Variants in LAMA2 observed in about 807,000 individuals in gnomAD.
LAMA2 encodes the protein laminin subunit alpha-2.
A neutral mutation model predicts 364.8 loss-of-function variants in LAMA2; 269 were observed. The ratio of observed to expected loss-of-function variants is 0.74; its 90% CI spans 0.67 to 0.82. The LOEUF (loss-of-function observed/expected upper bound fraction) is 0.82. Ranked by LOEUF, LAMA2 falls within the 40% of genes least tolerant of loss-of-function variation. The probability of loss-of-function intolerance (pLI) is 0.00; values close to 1 mark genes in which losing one functional copy is unlikely to be tolerated. For synonymous variants in LAMA2, 1,379 were observed against 1,370.6 expected, an observed-to-expected ratio of 1.01 and a Z score of -0.14; for missense variants, 3,807 against 3,873.2, an observed-to-expected ratio of 0.98 and a Z score of 0.45.
Position 129,328,391 on chromosome 6 carries a change from C to T in LAMA2, c.4290C>T (p.Asp1430=). The change falls in exon 29 of 65, where the codon GAC becomes GAT. Residue 1430 remains aspartate (D), a synonymous_variant. Transcript: ENST00000421865. The part of the protein sequence containing the change: ...CQCNGHSSLC[D]PETSICQNCQ... Reference sequence around the variant, plus strand: ...GTAATGGACACAGCAGCCTGTGTGACCCTGAAACATCGATATGCCAGGTAG... The same window carrying T: ...GTAATGGACACAGCAGCCTGTGTGATCCTGAAACATCGATATGCCAGGTAG... 6.2e-7 allele frequency: 1 copy of T among 1,614,120 alleles called. No homozygotes were observed. Among genetic ancestry groups the T allele is most frequent in the South Asian group, 1.1e-5 (1 of 91,072 alleles).
intron 1 of LAMA2, among the ~76,000 whole-genome samples, chr6:128,936,973 G>A (rs1165032666): frequency 2.0e-5 from 3 of 152,130 alleles, no homozygotes; most frequent in African/African-American, 7.2e-5. Flanking sequence ...CTAGAAAAAG[G>A]AATGGTTCAT....
intron 42 of LAMA2, among the ~76,000 whole-genome samples, chr6:129,439,932 T>C (rs1782022723): frequency 6.6e-6 from 1 of 151,278 alleles, no homozygotes; most frequent in African/African-American, 2.4e-5. Flanking sequence ...CTTTAAGAGC[T>C]AATTAGGTAT....
At chr6:129,234,516 T>G (rs1410666819) in intron 12 of LAMA2, among the ~76,000 whole-genome samples, 1 of 152,156 alleles carries the variant, frequency 6.6e-6, no homozygotes, top group Non-Finnish European at 1.5e-5. Flanking sequence ...TCTTCTACCA[T>G]ATACATGTTA....
At chr6:128,942,334 T>A (rs927589527) in intron 1 of LAMA2, among the ~76,000 whole-genome samples, 2 of 152,176 alleles carry the variant, frequency 1.3e-5, no homozygotes, top group East Asian at 1.9e-4. Flanking sequence ...AGATCATTTT[T>A]AAAAAGTGTT....
At chr6:129,182,915 T>C (rs1418508020) in intron 10 of LAMA2, among the ~76,000 whole-genome samples, 4 of 152,022 alleles carry the variant, frequency 2.6e-5, no homozygotes, top group Non-Finnish European at 5.9e-5. Flanking sequence ...TAATTTCTAA[T>C]TTAAAATTTC....
At chr6:128,951,836 T>A (rs975000526) in intron 1 of LAMA2, among the ~76,000 whole-genome samples, 1 of 152,202 alleles carries the variant, frequency 6.6e-6, no homozygotes, top group African/African-American at 2.4e-5. Context: ...TAAATTTCTA[T>A]ATTTCATAAG....
chr6:129,086,030 C>T (rs1774363190), intron 3 of LAMA2, among the ~76,000 whole-genome samples: 1 of 152,200 alleles, frequency 6.6e-6, no homozygotes, highest in South Asian at 2.1e-4. Flanking sequence ...TTACACTCTT[C>T]ACACTTCATT....
chr6:129,161,529 T>C (rs1354067670), intron 8 of LAMA2, among the ~76,000 whole-genome samples: 1 of 152,184 alleles, frequency 6.6e-6, no homozygotes, highest in Middle Eastern at 3.2e-3. Flanking sequence ...TGTATAATTT[T>C]CCATTCCAAC....
At chr6:129,341,026 TG>T (rs1350440941) in intron 29 of LAMA2, among the ~76,000 whole-genome samples, 1 of 152,168 alleles carries the variant, frequency 6.6e-6, no homozygotes, top group Non-Finnish European at 1.5e-5. Context: ...ATAGTTTCAC[TG>T]CAAGAAATAG....
chr6:129,302,202 C>T lies in LAMA2; in HGVS notation c.3174+1330C>T, dbSNP rs552712632. The stretch of plus-strand genomic sequence containing the variant: ...TCTTTGCCAACTCTTGGACTTTTAA[C>T]CCTTTTTTAATTTTAAGAATTCTGA... On this transcript the variant is annotated intron_variant, in intron 22 of 64. Transcript: ENST00000421865. Among the ~76,000 whole-genome samples, 448 of 152,118 alleles carry T rather than the reference C, an allele frequency of 2.9e-3. 1 individual carries two copies. Among genetic ancestry groups the T allele is most frequent in the African/African-American group, 0.01 (431 of 41,534 alleles).
At chr6:129,285,369 A>C (rs562454478) in intron 18 of LAMA2, among the ~76,000 whole-genome samples, 1 of 152,156 alleles carries the variant, frequency 6.6e-6, no homozygotes, top group African/African-American at 2.4e-5. Flanking sequence ...CACGTCCTGC[A>C]AGAAAAAATA....
chr6:129,483,393 A>G (rs1200172724), intron 55 of LAMA2, among the ~76,000 whole-genome samples: 1 of 152,126 alleles, frequency 6.6e-6, no homozygotes, highest in Non-Finnish European at 1.5e-5. Flanking sequence ...AAGAACAAAT[A>G]TATAATTTAA....
chr6:129,237,282 C>A, intron 12 of LAMA2, among the ~76,000 whole-genome samples: 1 of 152,002 alleles, frequency 6.6e-6, no homozygotes, highest in Non-Finnish European at 1.5e-5. Flanking sequence ...GATGGACGTA[C>A]GGACATTTTC....
At position 129,445,779 on chromosome 6, in the gene LAMA2, G is replaced by C; in HGVS notation, c.6387G>C (p.Glu2129Asp). 6.2e-7 allele frequency: 1 copy of C among 1,613,772 alleles called. No individual in the cohort carries two copies. The highest frequency in any genetic ancestry group is 8.5e-7 in the Non-Finnish European group (1 of 1,179,798). Reference protein sequence around the residue: ...LEDNLKKNISEIKELINQARK... With the variant: ...LEDNLKKNISDIKELINQARK... ...ATAACCTAAAGAAAAACATCTCTGAGATAAAGGAATTGATAAACCAAGCTC... is the reference window on the plus strand; with the variant it reads ...ATAACCTAAAGAAAAACATCTCTGACATAAAGGAATTGATAAACCAAGCTC... Residue 2129 changes from glutamate (E) to aspartate (D), a missense_variant, in exon 45 of 65, where the codon GAG becomes GAC. By Grantham distance (45) the Glu-to-Asp change is conservative. Coordinates refer to ENST00000421865, the MANE Select transcript of LAMA2 (RefSeq NM_000426.4).
chr6:129,237,084 C>T (rs912494402), intron 12 of LAMA2, among the ~76,000 whole-genome samples: 1 of 152,154 alleles, frequency 6.6e-6, no homozygotes, highest in African/African-American at 2.4e-5. Flanking sequence ...TCAATTCCCT[C>T]ATCTTTAAAA....
At chr6:129,428,633 C>A (rs984680871) in intron 41 of LAMA2, among the ~76,000 whole-genome samples, 3 of 152,008 alleles carry the variant, frequency 2.0e-5, no homozygotes, top group African/African-American at 4.8e-5. Flanking sequence ...TGAGTAGAGA[C>A]AGGGTTTCAC....
intron 28 of LAMA2, among the ~76,000 whole-genome samples, chr6:129,325,417 C>T (rs1775213942): frequency 6.6e-6 from 1 of 151,966 alleles, no homozygotes; most frequent in South Asian, 2.1e-4. Context: ...TAATCATTCT[C>T]ACAAACTTTT....
At chr6:128,928,540 C>G (rs1006622033) in intron 1 of LAMA2, among the ~76,000 whole-genome samples, 17 of 152,158 alleles carry the variant, frequency 1.1e-4, no homozygotes, top group African/African-American at 3.4e-4. Flanking sequence ...AAAGCATGTG[C>G]CCATAAAGCC....
At position 129,353,238 on chromosome 6, in the gene LAMA2, G is replaced by A. The variant is rs753529568; in HGVS notation, c.4598G>A (p.Gly1533Asp). Reference protein sequence around the residue: ...SCQECECDPYGSLPVPCDPVT... With the variant: ...SCQECECDPYDSLPVPCDPVT... ...CAAGAATGTGAGTGTGATCCCTATGGCTCACTGCCTGTGCCCTGTGACCCT... is the reference window on the plus strand; with the variant it reads ...CAAGAATGTGAGTGTGATCCCTATGACTCACTGCCTGTGCCCTGTGACCCT... Residue 1533 changes from glycine to aspartate, a missense_variant, in exon 32 of 65, where the codon GGC (glycine) becomes GAC (aspartate). Gly to Asp is a moderately conservative substitution (Grantham distance 94). Around this residue, in one of 3 missense-constraint regions of LAMA2, gnomAD observed 3,333 missense variants for 3,345.7 expected, o/e 1.00. Coordinates refer to ENST00000421865, the MANE Select transcript of LAMA2 (RefSeq NM_000426.4). 2 of 1,613,892 alleles carry A rather than the reference G, an allele frequency of 1.2e-6. No individual in the cohort carries two copies. Among genetic ancestry groups the A allele is most frequent in the Non-Finnish European group, 1.7e-6 (2 of 1,179,950 alleles).
Sources: gnomAD v4.1 joint callset for allele counts (sites outside exome capture counted in the v4.1 genomes callset) on GRCh38, gnomAD v4.1.1 for gene constraint, gnomAD v4.1.1 regional missense constraint, MANE v1.5 for transcripts, NCBI Gene and HGNC (gene_info 2026-07-23, HGNC 2026-07-21) for gene names.